Variants in KDM7A observed in about 807,000 individuals in gnomAD.
KDM7A encodes the protein lysine demethylase 7A, also known as lysine-specific demethylase 7A.
Under a neutral mutation model 114.8 loss-of-function variants are expected in KDM7A, and 28 were observed. The observed-to-expected ratio is 0.24, with a 90% CI of 0.18 to 0.33. KDM7A has a LOEUF of 0.33. Ranked by LOEUF, KDM7A falls within the 10% of genes least tolerant of loss-of-function variation. The probability of loss-of-function intolerance (pLI) is 1.00; values close to 1 mark genes in which losing one functional copy is unlikely to be tolerated. For synonymous variants in KDM7A, 423 were observed against 397.8 expected (o/e 1.06, Z -0.75); for missense variants, 942 against 1,142.5 (o/e 0.82, Z 2.53).
rs761949392 is a variant in KDM7A at position 140,100,028 on chromosome 7, A to C, written c.1639-5T>G. The C allele has an allele frequency of 1.1e-5, 17 of 1,614,100 alleles. No homozygotes were observed. The South Asian group carries it at 1.9e-4, about 18-fold the overall frequency. Reference sequence around the variant, plus strand: ...CAGTTTAGAGCTCAAGATGTCCTGAAGGTATAAATGCAGAACTTACTTACC... The same window carrying C: ...CAGTTTAGAGCTCAAGATGTCCTGACGGTATAAATGCAGAACTTACTTACC... On this transcript the variant is annotated splice_polypyrimidine_tract_variant and splice_region_variant and intron_variant, in intron 12 of 19. Transcript: ENST00000397560.
chr7:140,136,839 T>C (rs950063155), intron 2 of KDM7A, among the ~76,000 whole-genome samples: 1 of 151,930 alleles, frequency 6.6e-6, no homozygotes, highest in African/African-American at 2.4e-5. Context: ...ATACAAAAAT[T>C]AGCCAGGTGT....
At chr7:140,115,726 C>T (rs892432045) in intron 9 of KDM7A, among the ~76,000 whole-genome samples, 11 of 151,224 alleles carry the variant, frequency 7.3e-5, no homozygotes, top group African/African-American at 2.4e-4. Context: ...GCTGACCTTC[C>T]CTCCACTATT....
intron 11 of KDM7A, among the ~76,000 whole-genome samples, chr7:140,106,364 TTTAA>T (rs1818338185): frequency 2.0e-5 from 3 of 152,328 alleles, no homozygotes; most frequent in African/African-American, 7.2e-5. Flanking sequence ...CTCTAGTTCT[TTTAA>T]TTGTGATGTT....
chr7:140,175,691 C>G (rs966346966), intron 1 of KDM7A, among the ~76,000 whole-genome samples: 2 of 152,204 alleles, frequency 1.3e-5, no homozygotes, highest in Non-Finnish European at 2.9e-5. Context: ...GGCGGCCTGG[C>G]TGCGGAGGCG....
At chr7:140,130,471 A>G (rs1421493250) in intron 3 of KDM7A, among the ~76,000 whole-genome samples, 2 of 151,962 alleles carry the variant, frequency 1.3e-5, no homozygotes, top group East Asian at 3.9e-4. Flanking sequence ...AAATACAAAA[A>G]TTAGCTGGGT....
intron 3 of KDM7A, among the ~76,000 whole-genome samples, chr7:140,130,412 G>A (rs533210964): frequency 3.0e-4 from 45 of 152,198 alleles, no homozygotes; most frequent in African/African-American, 1.1e-3. Flanking sequence ...CCTGAGGTCA[G>A]GAGTTTGAGA....
intron 12 of KDM7A, among the ~76,000 whole-genome samples, chr7:140,100,689 C>CACGTATAT: frequency 1.9e-5 from 1 of 54,008 alleles, no homozygotes; most frequent in South Asian, 6.0e-4. Flanking sequence ...TACATATATA[C>CACGTATAT]ATATATATAT....
At chr7:140,115,656 C>G (rs530798884) in intron 9 of KDM7A, among the ~76,000 whole-genome samples, 1 of 151,836 alleles carries the variant, frequency 6.6e-6, no homozygotes, top group Non-Finnish European at 1.5e-5. Context: ...ACAAACACTG[C>G]AGAAGGCCGC....
At chr7:140,097,505 T>C (rs1013768239) in intron 15 of KDM7A, 40 bp downstream of exon 15, 25 of 1,077,140 alleles carry the variant, frequency 2.3e-5, no homozygotes, top group Non-Finnish European at 3.2e-5. Context: ...TGCTCATCTT[T>C]CCATCAAATA....
intron 11 of KDM7A, among the ~76,000 whole-genome samples, chr7:140,105,306 C>A (rs1818312839): frequency 6.6e-6 from 1 of 152,130 alleles, no homozygotes; most frequent in Non-Finnish European, 1.5e-5. Context: ...ATTGCCCTGG[C>A]CAGAACTTCC....
At chr7:140,132,284 G>A (rs114696725) in intron 3 of KDM7A, among the ~76,000 whole-genome samples, 301 of 152,260 alleles carry the variant, frequency 2.0e-3, no homozygotes, top group African/African-American at 7.1e-3. Flanking sequence ...TTGGACATTT[G>A]TGATCATCTC....
At chr7:140,144,225 T>C (rs531297186) in intron 1 of KDM7A, among the ~76,000 whole-genome samples, 6 of 152,334 alleles carry the variant, frequency 3.9e-5, no homozygotes, top group African/African-American at 7.2e-5. Flanking sequence ...CCAATCGATT[T>C]TTGGCAAGAG....
chr7:140,126,454 T>C (rs1420936989), intron 6 of KDM7A, among the ~76,000 whole-genome samples, 183 bp downstream of exon 6: 1 of 123,870 alleles, frequency 8.1e-6, no homozygotes, highest in Non-Finnish European at 1.8e-5. Context: ...TCTTCCATTA[T>C]TTGAGATTAA....
In KDM7A at chr7:140,128,834, T is replaced by C. The variant is rs560432481; in HGVS notation, c.559+659A>G. 2.0e-5 allele frequency among the ~76,000 whole-genome samples: 3 copies of C among 152,310 alleles called. No individual in the cohort carries two copies. In the East Asian group the frequency reaches 5.8e-4, roughly 29 times the overall value. ...GCTGACAAGAAATGACATCTACATA[T>C]AGTCAGCTTTATCTGTAAATATCAC... On this transcript the variant is annotated intron_variant, in intron 4 of 19. Transcript: ENST00000397560.
At chr7:140,112,145 A>G (rs957022912) in intron 10 of KDM7A, among the ~76,000 whole-genome samples, 1 of 152,234 alleles carries the variant, frequency 6.6e-6, no homozygotes, top group Non-Finnish European at 1.5e-5. Flanking sequence ...AGTGGAGGAC[A>G]TGATTTTTAT....
At chr7:140,108,774 G>A (rs1818385527) in intron 11 of KDM7A, among the ~76,000 whole-genome samples, 1 of 152,210 alleles carries the variant, frequency 6.6e-6, no homozygotes, top group African/African-American at 2.4e-5. Context: ...TGTGTGCTGG[G>A]AGAACCACTA....
At chr7:140,170,396 C>T (rs970052314) in intron 1 of KDM7A, among the ~76,000 whole-genome samples, 1 of 152,206 alleles carries the variant, frequency 6.6e-6, no homozygotes, top group Non-Finnish European at 1.5e-5. Context: ...TAGAGACAGA[C>T]AAGTCACATC....
chr7:140,170,494 AGCCT>A (rs1794627227), intron 1 of KDM7A, among the ~76,000 whole-genome samples: 1 of 152,236 alleles, frequency 6.6e-6, no homozygotes, highest in Non-Finnish European at 1.5e-5. Flanking sequence ...CACCGGAGTC[AGCCT>A]GCCTGAGCTC....
At chr7:140,171,919 T>C (rs567535083) in intron 1 of KDM7A, among the ~76,000 whole-genome samples, 12 of 152,304 alleles carry the variant, frequency 7.9e-5, no homozygotes, top group Admixed American at 3.9e-4. Flanking sequence ...CAATCTACTG[T>C]TGATGACATT....
Sources: allele counts gnomAD v4.1 joint callset (sites outside exome capture counted in the v4.1 genomes callset), GRCh38; gene constraint gnomAD v4.1.1; transcripts MANE v1.5; gene names NCBI Gene and HGNC (gene_info 2026-07-23, HGNC 2026-07-21).